The following C1QTNF7 variants were observed in gnomAD, a reference collection of about 807,000 sequenced individuals.
C1QTNF7 encodes the protein complement C1q tumor necrosis factor-related protein 7.
C1QTNF7 carries 15 observed loss-of-function variants against 19.6 expected under a neutral mutation model. The ratio of observed to expected loss-of-function variants is 0.76; its 90% CI spans 0.51 to 1.18. The LOEUF is 1.18. Ranked by LOEUF, C1QTNF7 falls within the 50% of genes most tolerant of loss-of-function variation. The probability of loss-of-function intolerance (pLI) is 0.00; values close to 1 mark genes in which losing one functional copy is unlikely to be tolerated. For synonymous variants in C1QTNF7, 142 were observed against 137.5 expected, an observed-to-expected ratio of 1.03 and a Z score of -0.23; for missense variants, 324 against 359.7, an observed-to-expected ratio of 0.90 and a Z score of 0.80.
chr4:15,342,216 G>A (rs565142614), intron 1 of C1QTNF7, among the ~76,000 whole-genome samples: 96 of 152,290 alleles, frequency 6.3e-4, no homozygotes, highest in Middle Eastern at 6.8e-3. Context: ...GAGAAAGGCA[G>A]CGTCTGCAAG....
intron 1 of C1QTNF7, among the ~76,000 whole-genome samples, chr4:15,407,560 C>A (rs1263818956): frequency 2.6e-5 from 4 of 152,156 alleles, no homozygotes; most frequent in Admixed American, 2.0e-4. Flanking sequence ...ATTCTAGAAC[C>A]ATTGCTTTGG....
In C1QTNF7 at chr4:15,442,712, A is replaced by G; in HGVS notation, c.783A>G (p.Pro261=). 1 of 1,614,158 alleles carries G rather than the reference A, an allele frequency of 6.2e-7. No individual in the cohort carries two copies. The highest frequency in any genetic ancestry group is 1.1e-5 in the South Asian group (1 of 91,082). Residue 261 remains proline (P), a synonymous_variant, in exon 3 of 3, where the codon CCA becomes CCG. Transcript: ENST00000444304. ...ACCAGAATGGCCTCTTCTCAGACCC[A>G]GGTTGGGCAGACAGCTTATTCTCCG... The part of the protein sequence containing the change: ...FTDQNGLFSD[P]GWADSLFSGF...
Position 15,412,327 on chromosome 4 carries a change from C to T in C1QTNF7, c.14-23409C>T, listed in dbSNP as rs146093191. On this transcript the variant is annotated intron_variant, in intron 1 of 2. Transcript: ENST00000295297. The stretch of plus-strand genomic sequence containing the variant: ...CATCCTAAACCATCTCCCACCCCCA[C>T]CCCCACCAGTCTGTGGGAAAATTGT... Among the ~76,000 whole-genome samples the T allele has an allele frequency of 1.9e-3, 282 of 151,960 alleles. 4 individuals are homozygous for T. Among genetic ancestry groups the T allele is most frequent in the African/African-American group, 6.5e-3 (268 of 41,398 alleles).
chr4:15,412,188 T>A (rs1719426990), intron 1 of C1QTNF7, among the ~76,000 whole-genome samples: 1 of 152,136 alleles, frequency 6.6e-6, no homozygotes, highest in Admixed American at 6.5e-5. Context: ...GGAAAATAAG[T>A]TCAGGGCTCC....
chr4:15,366,510 T>G lies in C1QTNF7; in HGVS notation c.13+26303T>G, dbSNP rs539186586. On this transcript the variant is annotated intron_variant, in intron 1 of 2. Transcript: ENST00000295297. The stretch of plus-strand genomic sequence containing the variant: ...ACTTGCAGTTACAGCATCTAACCCT[T>G]TGCTTTGCCTCCCTCCTCTGCCTTT... Among the ~76,000 whole-genome samples, 3 of 152,312 alleles carry G rather than the reference T, an allele frequency of 2.0e-5. No individual in the cohort carries two copies. The South Asian group carries it at 6.2e-4, about 32-fold the overall frequency.
chr4:15,371,846 A>G (rs1717742005), intron 1 of C1QTNF7, among the ~76,000 whole-genome samples: 4 of 152,184 alleles, frequency 2.6e-5, no homozygotes, highest in Admixed American at 1.3e-4. Flanking sequence ...CAGTGGGCAC[A>G]TGGAGGGAAT....
At chr4:15,414,520 A>G (rs1420455971) in intron 1 of C1QTNF7, among the ~76,000 whole-genome samples, 1 of 151,176 alleles carries the variant, frequency 6.6e-6, no homozygotes, top group Non-Finnish European at 1.5e-5. Flanking sequence ...CTTCCATTCA[A>G]CACATTATTA....
chr4:15,374,864 T>A, intron 1 of C1QTNF7: 1 of 595,972 alleles, frequency 1.7e-6, no homozygotes, highest in Non-Finnish European at 2.0e-6. Context: ...TCTCTCTCTC[T>A]CTCTCTCTTT....
chr4:15,369,122 G>A (rs958293744), intron 1 of C1QTNF7, among the ~76,000 whole-genome samples: 19 of 152,174 alleles, frequency 1.2e-4, no homozygotes, highest in African/African-American at 4.6e-4. Context: ...GGCTTCTTCA[G>A]ACCAGATTTT....
chr4:15,430,908 G>T (rs1712276111), intron 1 of C1QTNF7, among the ~76,000 whole-genome samples: 1 of 152,112 alleles, frequency 6.6e-6, no homozygotes, highest in African/African-American at 2.4e-5. Context: ...AGTGGTGAAG[G>T]CCTTCTAAAC....
intron 1 of C1QTNF7, among the ~76,000 whole-genome samples, chr4:15,367,145 C>T (rs1306642169): frequency 6.6e-6 from 1 of 152,146 alleles, no homozygotes; most frequent in Admixed American, 6.6e-5. Context: ...GCTAGGCCTG[C>T]ATTTGAATGT....
chr4:15,408,486 A>T lies in C1QTNF7; in HGVS notation c.14-27250A>T, dbSNP rs556954455. ...TGTATGTATGTATATACAGATACAG[A>T]TAAGTATATATGTATATATATACAG... On this transcript the variant is annotated intron_variant, in intron 1 of 2. Transcript: ENST00000295297. 5.9e-5 allele frequency among the ~76,000 whole-genome samples: 9 copies of T among 152,248 alleles called. No homozygotes were observed. The South Asian group carries it at 1.9e-3, about 32-fold the overall frequency.
chr4:15,393,823 T>G (rs1031740998), intron 1 of C1QTNF7, among the ~76,000 whole-genome samples: 15 of 152,244 alleles, frequency 9.9e-5, no homozygotes, highest in Admixed American at 6.5e-4. Flanking sequence ...GCCTACTATG[T>G]GCTGGGCCCT....
chr4:15,431,099 TAGA>T, intron 1 of C1QTNF7, among the ~76,000 whole-genome samples: 1 of 151,934 alleles, frequency 6.6e-6, no homozygotes, highest in South Asian at 2.1e-4. Context: ...GATAGATAGA[TAGA>T]TAGATTCATT....
At chr4:15,356,005 T>A (rs76851380) in intron 1 of C1QTNF7, among the ~76,000 whole-genome samples, 5,309 of 152,198 alleles carry the variant, frequency 0.035, 157 homozygotes, top group South Asian at 0.058. Context: ...CTGGCTAATA[T>A]TTTTATTATT....
At chr4:15,360,690 G>A (rs535356473) in intron 1 of C1QTNF7, among the ~76,000 whole-genome samples, 2 of 152,250 alleles carry the variant, frequency 1.3e-5, no homozygotes, top group Non-Finnish European at 2.9e-5. Flanking sequence ...GCTGAAAGGA[G>A]AAAGTAGAAC....
chr4:15,397,579 C>G (rs773703366), intron 1 of C1QTNF7, among the ~76,000 whole-genome samples: 1 of 152,248 alleles, frequency 6.6e-6, no homozygotes, highest in African/African-American at 2.4e-5. Flanking sequence ...GAGCTTACAG[C>G]TCCGTGTCAC....
intron 1 of C1QTNF7, among the ~76,000 whole-genome samples, chr4:15,408,557 C>T (rs763435634): frequency 2.6e-5 from 4 of 151,804 alleles, no homozygotes; most frequent in Non-Finnish European, 4.4e-5. Context: ...TATGTATGTA[C>T]AGATAAGAAG....
intron 1 of C1QTNF7, among the ~76,000 whole-genome samples, chr4:15,405,917 T>C (rs775739062): frequency 6.6e-6 from 1 of 152,150 alleles, no homozygotes; most frequent in Non-Finnish European, 1.5e-5. Context: ...GCAGTGCCTT[T>C]CAGCTGTTAG....
Sources: gnomAD v4.1 joint callset for allele counts (sites outside exome capture counted in the v4.1 genomes callset) on GRCh38, gnomAD v4.1.1 for gene constraint, MANE v1.5 for transcripts, NCBI Gene and HGNC (gene_info 2026-07-23, HGNC 2026-07-21) for gene names.